ANKRD30B: variants seen among roughly 807,000 people sequenced by gnomAD.
The protein encoded by ANKRD30B is ankyrin repeat domain-containing protein 30B.
A neutral mutation model predicts 202.2 loss-of-function variants in ANKRD30B; 144 were observed. That is an observed-to-expected ratio of 0.71 (90% CI 0.62 to 0.82). The LOEUF (loss-of-function observed/expected upper bound fraction) is 0.82, where lower values mean the gene tolerates loss of function less well. Among genes scored for constraint, ANKRD30B ranks in the 40% least tolerant of loss-of-function variants. ANKRD30B has a pLI of 0.00. For missense variants in ANKRD30B, 1,487 were observed against 1,669.1 expected, an observed-to-expected ratio of 0.89 and a Z score of 1.90; for synonymous variants, 508 against 561.3, an observed-to-expected ratio of 0.91 and a Z score of 1.34.
chr18:14,786,841 T>C (rs1402288326), intron 14 of ANKRD30B, among the ~76,000 whole-genome samples, 198 bp from the exon 15 acceptor site: 1 of 152,206 alleles, frequency 6.6e-6, no homozygotes, highest in Non-Finnish European at 1.5e-5. Flanking sequence ...TCTAATGAAA[T>C]AATGTTAATT....
chr18:14,924,191 GA>G, the ANKRD30B span, among the ~76,000 whole-genome samples: 5 of 152,194 alleles, frequency 3.3e-5, no homozygotes, highest in Non-Finnish European at 7.3e-5. Context: ...ACTGTTGTTA[GA>G]AATAAAATGA....
At chr18:14,862,352 G>T in the ANKRD30B span, among the ~76,000 whole-genome samples, 2 of 151,426 alleles carry the variant, frequency 1.3e-5, no homozygotes, top group African/African-American at 4.9e-5. Flanking sequence ...TCTTTGCAAG[G>T]ACACATAAAA....
chr18:14,780,308 G>A (rs1409678572), intron 11 of ANKRD30B, among the ~76,000 whole-genome samples: 1 of 152,010 alleles, frequency 6.6e-6, no homozygotes, highest in Admixed American at 6.6e-5. Flanking sequence ...AGTTGGATGT[G>A]GTGGTGCACA....
Position 14,784,523 on chromosome 18 carries a change from A to G in ANKRD30B, c.1660A>G (p.Thr554Ala). The G allele has an allele frequency of 1.2e-6, 2 of 1,612,936 alleles. No individual in the cohort carries two copies. The highest frequency in any genetic ancestry group is 1.7e-6 in the Non-Finnish European group (2 of 1,179,224). Residue 554 changes from threonine to alanine, a missense_variant, in exon 14 of 44, where the codon ACA (threonine) becomes GCA (alanine). This residue lies in a region of ANKRD30B where 889 missense variants were observed against 841.4 expected (regional missense o/e 1.06). Coordinates refer to ENST00000690538, the MANE Select transcript of ANKRD30B (RefSeq NM_001367607.2). ...AGCCTTTGAATTGAAGAATGAACAA[A>G]CATTGAGAGCAGGTAAATTTTTCAA... ...NKAFELKNEQTLRAAQMFPSE... is the reference protein window; with the variant it reads ...NKAFELKNEQALRAAQMFPSE...
the ANKRD30B span, among the ~76,000 whole-genome samples, chr18:14,927,396 G>T: frequency 6.6e-6 from 1 of 152,228 alleles, no homozygotes; most frequent in Non-Finnish European, 1.5e-5. Context: ...TCAAAATTCA[G>T]AATGATGGTA....
At chr18:14,815,578 G>T (rs60767930) in intron 30 of ANKRD30B, among the ~76,000 whole-genome samples, 1 of 151,910 alleles carries the variant, frequency 6.6e-6, no homozygotes, top group African/African-American at 2.4e-5. Context: ...ATTGGATAAA[G>T]GGTCAAGACA....
At chr18:14,783,514 C>CA (rs1967883732) in intron 12 of ANKRD30B, among the ~76,000 whole-genome samples, 14 of 151,668 alleles carry the variant, frequency 9.2e-5, no homozygotes, top group Admixed American at 9.2e-4. Context: ...ATTGCCATTC[C>CA]AAAAAAATTT....
the ANKRD30B span, among the ~76,000 whole-genome samples, chr18:14,922,041 A>G: frequency 2.0e-4 from 31 of 152,244 alleles, no homozygotes; most frequent in South Asian, 4.1e-4. Flanking sequence ...TTTTAACTTC[A>G]TATGACTGAA....
chr18:14,782,654 T>C, intron 12 of ANKRD30B, 40 bp downstream of exon 12: 5 of 1,373,776 alleles, frequency 3.6e-6, no homozygotes, highest in Non-Finnish European at 5.0e-6. Flanking sequence ...TTTAACCATA[T>C]GTTTGTCTAA....
At chr18:14,865,866 G>T in the ANKRD30B span, among the ~76,000 whole-genome samples, 1 of 152,134 alleles carries the variant, frequency 6.6e-6, no homozygotes, top group East Asian at 1.9e-4. Flanking sequence ...AGAGCAGCTC[G>T]GTGAGCAGAT....
At chr18:14,906,888 G>A in the ANKRD30B span, among the ~76,000 whole-genome samples, 1 of 148,038 alleles carries the variant, frequency 6.8e-6, no homozygotes, top group Non-Finnish European at 1.5e-5. Context: ...GTTTGGTCAA[G>A]GAAGGTGAAG....
chr18:14,753,406 G>C (rs767624676), intron 3 of ANKRD30B, among the ~76,000 whole-genome samples: 5 of 152,196 alleles, frequency 3.3e-5, no homozygotes, highest in East Asian at 1.9e-4. Context: ...GGTGTCTCTT[G>C]AGCACATATG....
At chr18:14,784,007 T>C (rs1967919122) in intron 12 of ANKRD30B, among the ~76,000 whole-genome samples, 1 of 152,168 alleles carries the variant, frequency 6.6e-6, no homozygotes, top group Non-Finnish European at 1.5e-5. Flanking sequence ...ATAATATAAA[T>C]GATTTTAATG....
intron 15 of ANKRD30B, among the ~76,000 whole-genome samples, chr18:14,789,603 C>A (rs895854335): frequency 2.0e-4 from 30 of 152,188 alleles, no homozygotes; most frequent in Admixed American, 4.6e-4. Context: ...TCAGCTTTCT[C>A]CATATGGCTA....
chr18:14,910,486 T>A, the ANKRD30B span, among the ~76,000 whole-genome samples: 268 of 147,342 alleles, frequency 1.8e-3, 2 homozygotes, highest in East Asian at 0.012. Flanking sequence ...AATGTAAAAA[T>A]ATATATATAT....
In ANKRD30B at chr18:14,810,135, C is replaced by T; in HGVS notation, c.2443C>T (p.Pro815Ser). ...KPTCVRKVSLPNKALELKDRE... is the reference protein window; with the variant it reads ...KPTCVRKVSLSNKALELKDRE... The stretch of plus-strand genomic sequence containing the variant: ...TACCTGTGTAAGGAAAGTTTCTCTT[C>T]CAAATAAAGCCTTAGAATTAAAGGA... Residue 815 changes from proline (P) to serine (S), a missense_variant, in exon 28 of 44, where the codon CCA (proline) becomes TCA (serine). Transcript: ENST00000690538. 6.7e-7 allele frequency: 1 copy of T among 1,483,984 alleles called. No individual in the cohort carries two copies. The highest frequency in any genetic ancestry group is 2.5e-5 in the East Asian group (1 of 39,876). 91.9% of individuals were successfully genotyped at this position (1,483,984 alleles called of 1,614,324 possible).
chr18:14,797,971 T>A (rs1969034839), intron 20 of ANKRD30B, 117 bp downstream of exon 20: 9 of 994,696 alleles, frequency 9.0e-6, no homozygotes, highest in South Asian at 1.7e-5. Context: ...GAAAATTTGA[T>A]ACAAATAATG....
At chr18:14,788,231 A>C (rs1420505494) in intron 15 of ANKRD30B, among the ~76,000 whole-genome samples, 1 of 152,174 alleles carries the variant, frequency 6.6e-6, no homozygotes, top group African/African-American at 2.4e-5. Flanking sequence ...TGAGGACTAC[A>C]ATATAAGTTA....
chr18:14,789,900 T>C (rs1449309567), intron 15 of ANKRD30B, among the ~76,000 whole-genome samples: 1 of 152,218 alleles, frequency 6.6e-6, no homozygotes, highest in African/African-American at 2.4e-5. Flanking sequence ...ATATGAACTT[T>C]AAAGTAGTTT....
Sources: allele counts gnomAD v4.1 joint callset (sites outside exome capture counted in the v4.1 genomes callset), GRCh38; gene constraint gnomAD v4.1.1; regional missense constraint gnomAD v4.1.1; transcripts MANE v1.5; gene names NCBI Gene and HGNC (gene_info 2026-07-23, HGNC 2026-07-21).